The following PHIP variants were observed in gnomAD, a reference collection of about 807,000 sequenced individuals.
PHIP encodes PHIP subunit of CUL4-Ring ligase complex.
PHIP carries 54 observed loss-of-function variants against 236.8 expected under a neutral mutation model. That is an observed-to-expected ratio of 0.23 (90% CI 0.18 to 0.29). PHIP has a LOEUF of 0.29. Ranked by LOEUF, PHIP falls within the 10% of genes least tolerant of loss-of-function variation. The pLI, the probability that PHIP is intolerant of heterozygous loss-of-function variation, is 1.00. For missense variants in PHIP, 1,370 were observed against 2,190.8 expected, an observed-to-expected ratio of 0.63 and a Z score of 7.48; for synonymous variants, 756 against 718.9, an observed-to-expected ratio of 1.05 and a Z score of -0.83.
At chr6:78,952,583 T>A (rs1376206581) in intron 35 of PHIP, among the ~76,000 whole-genome samples, 2 of 152,094 alleles carry the variant, frequency 1.3e-5, no homozygotes, top group Non-Finnish European at 2.9e-5. Context: ...CCTCTTACCC[T>A]CTCCTTCACA....
chr6:79,003,532 T>TAAGC (rs1365430259), intron 16 of PHIP, among the ~76,000 whole-genome samples, 198 bp downstream of exon 16: 1 of 152,026 alleles, frequency 6.6e-6, no homozygotes, highest in Non-Finnish European at 1.5e-5. Context: ...TTTCAAATAA[T>TAAGC]AAGCCCTATT....
chr6:78,948,669 A>G (rs2127684543), intron 35 of PHIP, among the ~76,000 whole-genome samples: 1 of 152,014 alleles, frequency 6.6e-6, no homozygotes, highest in South Asian at 2.1e-4. Flanking sequence ...TAATTTTTAT[A>G]ATTTTTGTAG....
chr6:79,006,305 C>G (rs1168007631), intron 15 of PHIP, among the ~76,000 whole-genome samples: 1 of 151,912 alleles, frequency 6.6e-6, no homozygotes, highest in African/African-American at 2.4e-5. Flanking sequence ...GTTTTCCAGA[C>G]CAGGCTTCCA....
chr6:79,011,889 G>C (rs907793579), intron 15 of PHIP, among the ~76,000 whole-genome samples: 13 of 151,366 alleles, frequency 8.6e-5, no homozygotes, highest in Non-Finnish European at 1.6e-4. Context: ...GTCATGGCTT[G>C]ATACAGAAAA....
chr6:79,024,300 A>C (rs754832674), intron 9 of PHIP, among the ~76,000 whole-genome samples: 14 of 152,188 alleles, frequency 9.2e-5, no homozygotes, highest in Non-Finnish European at 2.9e-5. Flanking sequence ...TAAATAACTC[A>C]ACTTGGGTTG....
chr6:78,978,005 A>G (rs550627288), intron 24 of PHIP, among the ~76,000 whole-genome samples: 2 of 152,162 alleles, frequency 1.3e-5, no homozygotes, highest in Admixed American at 1.3e-4. Context: ...ATTTGTGTAC[A>G]AAACAAGGAG....
At chr6:78,970,692 T>C in intron 25 of PHIP, 89 bp downstream of exon 25, 3 of 790,810 alleles carry the variant, frequency 3.8e-6, no homozygotes, top group Non-Finnish European at 6.1e-6. Flanking sequence ...TGCAGTTTCT[T>C]ATTGTGTTAA....
chr6:78,980,797 T>G (rs1768474553), intron 23 of PHIP, among the ~76,000 whole-genome samples: 1 of 152,012 alleles, frequency 6.6e-6, no homozygotes, highest in Non-Finnish European at 1.5e-5. Context: ...TGAAAAAGGT[T>G]TCCTTTGACT....
intron 17 of PHIP, 145 bp from the exon 18 acceptor site, chr6:78,998,536 TAA>T (rs1038643422): frequency 2.1e-3 from 971 of 467,414 alleles, no homozygotes; most frequent in South Asian, 2.9e-3. Flanking sequence ...TGATGGGAGT[TAA>T]AAAAAAAAAG....
intron 19 of PHIP, 23 bp from the exon 20 acceptor site, chr6:78,991,008 A>G (rs1402835722): frequency 4.3e-6 from 6 of 1,402,986 alleles, no homozygotes; most frequent in Non-Finnish European, 6.0e-6. Context: ...AGCCATATGC[A>G]TTAATCTAGA....
At chr6:78,952,440 AG>A (rs1766102450) in intron 35 of PHIP, among the ~76,000 whole-genome samples, 2 of 143,784 alleles carry the variant, frequency 1.4e-5, no homozygotes, top group Admixed American at 6.8e-5. Context: ...AAAAAAAAAA[AG>A]AAAAAAAAAA....
intron 20 of PHIP, among the ~76,000 whole-genome samples, chr6:78,990,432 T>C (rs1029862807): frequency 2.0e-5 from 3 of 152,134 alleles, no homozygotes; most frequent in African/African-American, 7.2e-5. Flanking sequence ...ACAATCTACC[T>C]CTCTTAATGA....
At chr6:79,068,176 A>G (rs1274628793) in intron 4 of PHIP, 1 of 152,308 alleles carries the variant, frequency 6.6e-6, no homozygotes, top group African/African-American at 2.4e-5. Flanking sequence ...TAAAATGCGA[A>G]ATCTCACTGG....
At position 78,936,012 on chromosome 6, in the gene PHIP, C is replaced by T. The variant is rs538835079; in HGVS notation, c.*4681G>A. The T allele has an allele frequency of 7.2e-5, 11 of 152,052 alleles. No individual in the cohort carries two copies. The highest frequency in any genetic ancestry group is 5.8e-4 in the East Asian group (3 of 5,186). 9.4% of individuals were successfully genotyped at this position (152,052 alleles called of 1,614,324 possible). A position where few individuals can be genotyped will look rare whatever the true frequency, so the allele number is the denominator to read the frequency against. On this transcript the variant is annotated 3_prime_UTR_variant, in exon 40 of 40. Coordinates refer to ENST00000275034, the MANE Select transcript of PHIP (RefSeq NM_017934.7). ...TCAAAACTAACATAGAAAGTGTCCA[C>T]GTAACAGTAAAGAAAGGTCCAATCA...
rs1773878217 is a variant in PHIP at position 79,071,430 on chromosome 6, T to A, written c.189+6018A>T. 5.9e-5 allele frequency among the ~76,000 whole-genome samples: 9 copies of A among 152,334 alleles called. No homozygotes were observed. The South Asian group carries it at 1.9e-3, about 32-fold the overall frequency. The stretch of plus-strand genomic sequence containing the variant: ...AATTTATTAACTCACAATTTCCTCA[T>A]AATTTCATTGACATAGCTTCTCAAA... On this transcript the variant is annotated intron_variant, in intron 4 of 39. Coordinates refer to ENST00000275034, the MANE Select transcript of PHIP (RefSeq NM_017934.7).
intron 13 of PHIP, 65 bp from the exon 14 acceptor site, chr6:79,015,848 T>A: frequency 1.9e-6 from 2 of 1,034,398 alleles, no homozygotes; most frequent in Non-Finnish European, 2.9e-6. Context: ...CCAAAACATA[T>A]AATCTATAAT....
chr6:79,062,336 A>G (rs1773419868), intron 4 of PHIP, among the ~76,000 whole-genome samples: 1 of 152,306 alleles, frequency 6.6e-6, no homozygotes, highest in East Asian at 1.9e-4. Flanking sequence ...TAAATTAAAA[A>G]GCATTTAAAA....
At chr6:78,973,999 T>C (rs1014115151) in intron 24 of PHIP, among the ~76,000 whole-genome samples, 5 of 152,094 alleles carry the variant, frequency 3.3e-5, no homozygotes, top group African/African-American at 9.7e-5. Flanking sequence ...TACCCAGGAA[T>C]TGAACTCAGC....
intron 6 of PHIP, among the ~76,000 whole-genome samples, chr6:79,045,919 C>T (rs1475388466): frequency 1.3e-5 from 2 of 152,224 alleles, no homozygotes; most frequent in East Asian, 1.9e-4. Flanking sequence ...TTTCACTTGG[C>T]AAATTCTTTT....
Sources: gnomAD v4.1 joint callset for allele counts (sites outside exome capture counted in the v4.1 genomes callset) on GRCh38, gnomAD v4.1.1 for gene constraint, MANE v1.5 for transcripts, NCBI Gene and HGNC (gene_info 2026-07-23, HGNC 2026-07-21) for gene names.